SLC71A1: variants seen among roughly 807,000 people sequenced by gnomAD.
The protein encoded by SLC71A1 is solute carrier family 71 member 1, also known as hippocampus abundant gene transcript 1.
At chr1:100,077,953 AG>A in the SLC71A1 span, among the ~76,000 whole-genome samples, 1 of 152,328 alleles carries the variant, frequency 6.6e-6, no homozygotes, top group African/African-American at 2.4e-5. Flanking sequence ...CTTTGCAAAG[AG>A]GTGCTCACAA....
At chr1:100,077,146 C>CTTTT in the SLC71A1 span, 11 of 884,206 alleles carry the variant, frequency 1.2e-5, no homozygotes, top group South Asian at 3.3e-5. Context: ...TCTGATAAAT[C>CTTTT]TTTTTTTTTT....
At chr1:100,042,565 A>G in the SLC71A1 span, among the ~76,000 whole-genome samples, 1 of 151,952 alleles carries the variant, frequency 6.6e-6, no homozygotes, top group South Asian at 2.1e-4. Context: ...GGTTGCTAGC[A>G]TGCAAGCAAT....
At chr1:100,059,255 T>A in the SLC71A1 span, among the ~76,000 whole-genome samples, 1 of 146,298 alleles carries the variant, frequency 6.8e-6, no homozygotes. Flanking sequence ...GCCTCCCAGG[T>A]TCAAGCGATT....
chr1:100,053,262 A>G, the SLC71A1 span, among the ~76,000 whole-genome samples: 1 of 152,100 alleles, frequency 6.6e-6, no homozygotes, highest in Non-Finnish European at 1.5e-5. Flanking sequence ...TTTGGGCCCC[A>G]GTACTCCTCC....
the SLC71A1 span, chr1:100,083,230 A>G: frequency 2.0e-5 from 3 of 152,572 alleles, no homozygotes; most frequent in Admixed American, 2.0e-4. Context: ...AAAGAACTGT[A>G]TAGTTTACAC....
At chr1:100,070,495 T>C in the SLC71A1 span, among the ~76,000 whole-genome samples, 1 of 152,186 alleles carries the variant, frequency 6.6e-6, no homozygotes, top group African/African-American at 2.4e-5. Context: ...TTGGTGGGTT[T>C]TGAGCAGCAG....
chr1:100,043,475 G>A, the SLC71A1 span, among the ~76,000 whole-genome samples: 4 of 152,072 alleles, frequency 2.6e-5, no homozygotes, highest in Admixed American at 6.6e-5. Context: ...CCTTCCAGTC[G>A]TGGGAAACTT....
the SLC71A1 span, among the ~76,000 whole-genome samples, chr1:100,045,269 G>A: frequency 1.3e-5 from 2 of 152,098 alleles, no homozygotes; most frequent in Admixed American, 1.3e-4. Context: ...ATTGTAAAAG[G>A]GATTGAGTTC....
the SLC71A1 span, among the ~76,000 whole-genome samples, chr1:100,042,537 A>G: frequency 6.6e-6 from 1 of 152,020 alleles, no homozygotes; most frequent in Non-Finnish European, 1.5e-5. Context: ...AGACCCAGAG[A>G]GCTGTTAAAT....
the SLC71A1 span, chr1:100,080,536 C>G: frequency 6.2e-7 from 1 of 1,613,844 alleles, no homozygotes; most frequent in Non-Finnish European, 8.5e-7. Flanking sequence ...GAGGATTATG[C>G]AATGGTCTGG....
the SLC71A1 span, chr1:100,043,148 A>C: frequency 2.0e-6 from 2 of 982,924 alleles, no homozygotes; most frequent in South Asian, 9.4e-5. Context: ...GTCTGCAGAA[A>C]TTCTCCTACA....
chr1:100,055,882 A>C, the SLC71A1 span, among the ~76,000 whole-genome samples: 1 of 151,960 alleles, frequency 6.6e-6, no homozygotes, highest in South Asian at 2.1e-4. Flanking sequence ...CCTCCCAAGT[A>C]GCTGGGACTA....
the SLC71A1 span, among the ~76,000 whole-genome samples, chr1:100,046,210 TC>T: frequency 2.4e-3 from 300 of 126,694 alleles, 8 homozygotes; most frequent in African/African-American, 8.7e-3. Flanking sequence ...CCTCCAAGCC[TC>T]GTTTTTTTTT....
chr1:100,073,829 C>T, the SLC71A1 span, among the ~76,000 whole-genome samples: 83 of 152,278 alleles, frequency 5.5e-4, no homozygotes, highest in Non-Finnish European at 8.5e-4. Flanking sequence ...TTGCTTAAGT[C>T]ATTTAACCTT....
chr1:100,067,860 GA>G, the SLC71A1 span: 2 of 793,196 alleles, frequency 2.5e-6, no homozygotes, highest in African/African-American at 3.4e-5. Context: ...GGTAGGAAGA[GA>G]AAAGGGAGGG....
At chr1:100,046,078 C>G in the SLC71A1 span, among the ~76,000 whole-genome samples, 158 of 152,076 alleles carry the variant, frequency 1.0e-3, no homozygotes, top group African/African-American at 3.6e-3. Context: ...ACTGTAAATG[C>G]ATGGATTTAT....
the SLC71A1 span, among the ~76,000 whole-genome samples, chr1:100,046,305 C>T: frequency 8.8e-5 from 12 of 135,690 alleles, no homozygotes; most frequent in Admixed American, 4.3e-4. Context: ...TGGCTCACTG[C>T]AACCTCTGCC....
At chr1:100,038,723 A>AG in the SLC71A1 span, among the ~76,000 whole-genome samples, 3 of 152,172 alleles carry the variant, frequency 2.0e-5, no homozygotes, top group Non-Finnish European at 4.4e-5. Context: ...GCGCTTGTCA[A>AG]GGGGCTGGGA....
the SLC71A1 span, among the ~76,000 whole-genome samples, chr1:100,045,544 G>A: frequency 6.6e-6 from 1 of 152,038 alleles, no homozygotes; most frequent in South Asian, 2.1e-4. Context: ...ATTACTATGG[G>A]TACAAAGTAG....
Sources: allele counts gnomAD v4.1 joint callset (sites outside exome capture counted in the v4.1 genomes callset), GRCh38; gene constraint gnomAD v4.1.1; transcripts MANE v1.5; gene names NCBI Gene and HGNC (gene_info 2026-07-23, HGNC 2026-07-21).